Variants in DPP8 observed in about 807,000 individuals in gnomAD.
The protein encoded by DPP8 is DPP VIII.
A neutral mutation model predicts 107.5 loss-of-function variants in DPP8; 31 were observed. The ratio of observed to expected loss-of-function variants is 0.29; its 90% CI spans 0.22 to 0.39. The LOEUF (loss-of-function observed/expected upper bound fraction) is 0.39, where lower values mean the gene tolerates loss of function less well. Ranked by LOEUF, DPP8 falls within the 10% of genes least tolerant of loss-of-function variation. The pLI is 1.00. For missense variants in DPP8, 842 were observed against 1,076.1 expected (o/e 0.78, Z 3.04); for synonymous variants, 381 against 356.6 (o/e 1.07, Z -0.77).
At chr15:65,461,822 A>T (rs946871225) in intron 15 of DPP8, among the ~76,000 whole-genome samples, 1 of 151,704 alleles carries the variant, frequency 6.6e-6, no homozygotes, top group African/African-American at 2.4e-5. Flanking sequence ...GCTGGTCTTG[A>T]ACCTCTGACC....
chr15:65,473,444 G>A (rs1024021557), intron 12 of DPP8, among the ~76,000 whole-genome samples: 1 of 152,098 alleles, frequency 6.6e-6, no homozygotes, highest in Non-Finnish European at 1.5e-5. Flanking sequence ...TAGATAGTTA[G>A]GTGTAGTAGG....
intron 3 of DPP8, among the ~76,000 whole-genome samples, chr15:65,501,015 C>G (rs1355685669): frequency 6.6e-6 from 1 of 151,748 alleles, no homozygotes; most frequent in Non-Finnish European, 1.5e-5. Context: ...GTAGCTGGGA[C>G]TACAGGCGCC....
At chr15:65,470,698 C>CA (rs1000013622) in intron 12 of DPP8, among the ~76,000 whole-genome samples, 29 of 151,578 alleles carry the variant, frequency 1.9e-4, no homozygotes, top group African/African-American at 7.0e-4. Flanking sequence ...GTGGGCAGAT[C>CA]ACCTGAGGTC....
At position 65,500,745 on chromosome 15, in the gene DPP8, T is replaced by C; in HGVS notation, c.407A>G (p.Glu136Gly). The change falls in exon 4 of 20, where the codon GAA becomes GGA. Residue 136 changes from glutamate to glycine, a missense_variant. Transcript: ENST00000300141. ...GCGTTTTCTTTCTCTTAATAGTTCT[T>C]CTTCTCGAGAATACATTCCATAGTC... The part of the protein sequence containing the change: ...TLDYGMYSRE[E>G]ELLRERKRIG... 6.2e-7 allele frequency: 1 copy of C among 1,614,086 alleles called. No individual in the cohort carries two copies. Among genetic ancestry groups the C allele is most frequent in the Non-Finnish European group, 8.5e-7 (1 of 1,179,976 alleles).
intron 4 of DPP8, among the ~76,000 whole-genome samples, chr15:65,500,181 G>C (rs966368728): frequency 1.3e-5 from 2 of 152,100 alleles, no homozygotes; most frequent in Admixed American, 1.3e-4. Context: ...CACTTTGGGA[G>C]GCCGAGATGG....
chr15:65,491,801 C>T (rs966877896), intron 5 of DPP8, among the ~76,000 whole-genome samples: 1 of 152,090 alleles, frequency 6.6e-6, no homozygotes, highest in African/African-American at 2.4e-5. Context: ...GGCGTGATCT[C>T]GGCTCACTGC....
chr15:65,517,089 T>G (rs1025985709), intron 1 of DPP8: 1 of 152,570 alleles, frequency 6.6e-6, no homozygotes, highest in Non-Finnish European at 1.5e-5. Context: ...GAAGCCCATC[T>G]GCCAAGTCGG....
At position 65,499,776 on chromosome 15, in the gene DPP8, C is replaced by T. The variant is rs542960584; in HGVS notation, c.546+830G>A. On this transcript the variant is annotated intron_variant, in intron 4 of 19. Transcript: ENST00000300141. ...GATGGGGTTTCGCCATGTTTCCCCA[C>T]GCTGGTCTGGAACTCCTAGGCTCAA... Among the ~76,000 whole-genome samples the T allele has an allele frequency of 2.6e-4, 40 of 151,668 alleles. No homozygotes were observed. The East Asian group carries it at 3.9e-3, about 15-fold the overall frequency.
chr15:65,515,218 C>T lies in DPP8; in HGVS notation c.-12+2268G>A, dbSNP rs189215172. On this transcript the variant is annotated intron_variant, in intron 1 of 19. Transcript: ENST00000300141. ...GGCTGGGATTATAGGTGTGAGTCAC[C>T]GCGCCTGGCCATGCCCAGCTTCTTA... Among the ~76,000 whole-genome samples, 261 of 152,262 alleles carry T rather than the reference C, an allele frequency of 1.7e-3. 1 individual carries two copies. The highest frequency in any genetic ancestry group is 5.9e-3 in the African/African-American group (243 of 41,536).
chr15:65,465,875 A>G (rs533083767), intron 14 of DPP8, among the ~76,000 whole-genome samples: 105 of 152,088 alleles, frequency 6.9e-4, no homozygotes, highest in African/African-American at 2.4e-3. Flanking sequence ...ATTTATGTTT[A>G]AGAAATCAAA....
chr15:65,465,167 C>CTT (rs199937501), intron 14 of DPP8, among the ~76,000 whole-genome samples: 34 of 127,724 alleles, frequency 2.7e-4, no homozygotes, highest in African/African-American at 4.5e-4. Flanking sequence ...TTTGTTTTTT[C>CTT]TTTTTTTTTT....
intron 4 of DPP8, among the ~76,000 whole-genome samples, chr15:65,500,308 C>T (rs557697290): frequency 4.7e-4 from 71 of 152,016 alleles, no homozygotes; most frequent in African/African-American, 1.5e-3. Flanking sequence ...GTCCCAGCTA[C>T]TTGGGAGGCT....
Position 65,479,139 on chromosome 15 carries a change from A to G in DPP8, c.1297-100T>C, listed in dbSNP as rs566368828. 4.5e-5 allele frequency: 35 copies of G among 774,758 alleles called. No individual in the cohort carries two copies. In the African/African-American group the frequency reaches 6.1e-4, roughly 13 times the overall value. The allele number at this position is 774,758 out of a possible 1,614,324, so 48.0% of individuals were successfully genotyped here. A position where few individuals can be genotyped will look rare whatever the true frequency, so the allele number is the denominator to read the frequency against. ...TTTCTTGATAAATATACTTTGAAATATAAATAACCATCAATGCCAAAGGAA... is the reference window on the plus strand; with the variant it reads ...TTTCTTGATAAATATACTTTGAAATGTAAATAACCATCAATGCCAAAGGAA... On this transcript the variant is annotated intron_variant, in intron 10 of 19. Transcript: ENST00000300141.
At chr15:65,469,163 C>CG (rs1156403267) in intron 12 of DPP8, among the ~76,000 whole-genome samples, 11 of 151,586 alleles carry the variant, frequency 7.3e-5, no homozygotes, top group African/African-American at 2.7e-4. Context: ...TGAGTAGAGA[C>CG]GGGGTTTCAC....
chr15:65,470,409 C>A (rs574442572), intron 12 of DPP8, among the ~76,000 whole-genome samples: 100 of 151,006 alleles, frequency 6.6e-4, no homozygotes, highest in African/African-American at 2.4e-3. Context: ...AGTTCTAGAC[C>A]AGCCTGGCCA....
At position 65,487,721 on chromosome 15, in the gene DPP8, CCTT is replaced by C. The variant is rs746946904; in HGVS notation, c.921_923del (p.Arg309del). ...TAGGATAACGGAATGAATCTGCCCT[CCTT>C]GTTTCCAACATAGGGGATGTAACAT... On this transcript the variant is annotated inframe_deletion, in exon 7 of 20. Transcript: ENST00000300141. The C allele has an allele frequency of 1.9e-6, 3 of 1,609,962 alleles. No individual in the cohort carries two copies. The highest frequency in any genetic ancestry group is 3.4e-5 in the Admixed American group (2 of 59,448).
rs767334235 is a variant in DPP8, at chr15:65,478,903, G to A, written c.1433C>T (p.Ser478Phe). The A allele has an allele frequency of 7.0e-6, 11 of 1,578,290 alleles. No individual in the cohort carries two copies. In the Admixed American group the frequency reaches 9.7e-5, roughly 14 times the overall value. The change falls in exon 11 of 20, where the codon TCC (serine) becomes TTC (phenylalanine). Residue 478 changes from serine to phenylalanine, a missense_variant. Ser to Phe is a radical substitution (Grantham distance 155). Around this residue, in one of 2 missense-constraint regions of DPP8, gnomAD observed 663 missense variants for 758.0 expected, o/e 0.87. Coordinates refer to ENST00000300141, the MANE Select transcript of DPP8 (RefSeq NM_130434.5). Reference protein sequence around the residue: ...SILKESKYKRSSGGLPAPSDF... With the variant: ...SILKESKYKRFSGGLPAPSDF... ...ACTTGGAGCAGGCAGCCCACCACTG[G>A]ATCGTTTATATTTGCTTTCCTTTAA... is the stretch of plus-strand genomic sequence containing the variant.
At chr15:65,515,544 A>G (rs1240558975) in intron 1 of DPP8, 3 of 885,394 alleles carry the variant, frequency 3.4e-6, no homozygotes, top group Non-Finnish European at 1.8e-6. Context: ...AGGTGACCTG[A>G]ATTTTCTAAT....
At chr15:65,493,998 A>T (rs767451579) in intron 5 of DPP8, among the ~76,000 whole-genome samples, 4 of 141,888 alleles carry the variant, frequency 2.8e-5, no homozygotes, top group Admixed American at 6.7e-5. Context: ...ATAGATATTA[A>T]CTCATTAAAG....
Sources: gnomAD v4.1 joint callset for allele counts (sites outside exome capture counted in the v4.1 genomes callset) on GRCh38, gnomAD v4.1.1 for gene constraint, gnomAD v4.1.1 regional missense constraint, MANE v1.5 for transcripts, NCBI Gene and HGNC (gene_info 2026-07-23, HGNC 2026-07-21) for gene names.